SLIT2: variants seen among roughly 807,000 people sequenced by gnomAD.
The protein encoded by SLIT2 is slit homolog 2 protein.
A neutral mutation model predicts 185.7 loss-of-function variants in SLIT2; 41 were observed. The observed-to-expected ratio is 0.22, with a 90% CI of 0.17 to 0.29. SLIT2 has a LOEUF of 0.29. Ranked by LOEUF, SLIT2 falls within the 10% of genes least tolerant of loss-of-function variation. The probability of loss-of-function intolerance (pLI) is 1.00; values close to 1 mark genes in which losing one functional copy is unlikely to be tolerated. For missense variants in SLIT2, 1,571 were observed against 1,909.0 expected (o/e 0.82, Z 3.30); for synonymous variants, 693 against 680.2 (o/e 1.02, Z -0.29).
intron 4 of SLIT2, among the ~76,000 whole-genome samples, chr4:20,381,483 T>C (rs1724508321): frequency 6.6e-6 from 1 of 152,212 alleles, no homozygotes; most frequent in African/African-American, 2.4e-5. Flanking sequence ...TTCGTTTTCA[T>C]GTTCAGTTTG....
Position 20,596,477 on chromosome 4 carries a change from T to C in SLIT2, c.3383T>C (p.Phe1128Ser). ...CCTCGTACCAGCCCCTGTGATAATT[T>C]TGATTGTCAGAATGGAGCTCAGTGT... ...VLPRTSPCDN[F>S]DCQNGAQCIV... The change falls in exon 32 of 37, where the codon TTT becomes TCT. Residue 1128 changes from phenylalanine (F) to serine (S), a missense_variant. By Grantham distance (155) the Phe-to-Ser change is radical. Around this residue, in one of 3 missense-constraint regions of SLIT2, gnomAD observed 1,202 missense variants for 1,416.4 expected, o/e 0.85. Transcript: ENST00000504154. The C allele has an allele frequency of 3.7e-6, 6 of 1,614,116 alleles. No individual in the cohort carries two copies. The highest frequency in any genetic ancestry group is 5.1e-6 in the Non-Finnish European group (6 of 1,179,966).
At chr4:20,437,339 A>G (rs923508272) in intron 4 of SLIT2, among the ~76,000 whole-genome samples, 9 of 152,176 alleles carry the variant, frequency 5.9e-5, no homozygotes, top group African/African-American at 2.2e-4. Flanking sequence ...GTCAGGTCAG[A>G]TGCAGTGGCT....
chr4:20,485,952 T>C (rs1717194898), intron 6 of SLIT2, among the ~76,000 whole-genome samples: 1 of 152,140 alleles, frequency 6.6e-6, no homozygotes. Context: ...AGAATGTAAA[T>C]AGTCAAACAT....
Position 20,519,432 on chromosome 4 carries a change from G to C in SLIT2, c.1109G>C (p.Gly370Ala). The change falls in exon 12 of 37, where the codon GGA becomes GCA. Residue 370 changes from glycine to alanine, a missense_variant. By Grantham distance (60) the Gly-to-Ala change is moderately conservative (BLOSUM62 0). Transcript: ENST00000504154. ...ITELPKSLFE[G>A]LFSLQLLLLN... ...GAACTCCCCAAAAGTTTATTTGAAG[G>C]ACTGTTTTCCTTACAGCTCCTGTAA... 1 of 1,586,202 alleles carries C rather than the reference G, an allele frequency of 6.3e-7. No individual in the cohort carries two copies. Among genetic ancestry groups the C allele is most frequent in the Non-Finnish European group, 8.7e-7 (1 of 1,155,538 alleles).
intron 18 of SLIT2, 45 bp downstream of exon 18, chr4:20,533,760 C>T: frequency 6.4e-7 from 1 of 1,565,610 alleles, no homozygotes; most frequent in Non-Finnish European, 8.7e-7. Context: ...CAAAGGATTG[C>T]AGCTCATTGT....
chr4:20,517,320 G>C (rs553100631), intron 11 of SLIT2, among the ~76,000 whole-genome samples: 1 of 152,264 alleles, frequency 6.6e-6, no homozygotes, highest in Admixed American at 6.5e-5. Flanking sequence ...ATCTGGCAAA[G>C]TTACAGGCAC....
At chr4:20,543,579 A>C (rs1723002813) in intron 21 of SLIT2, among the ~76,000 whole-genome samples, 1 of 152,234 alleles carries the variant, frequency 6.6e-6, no homozygotes. Context: ...GTGCAGATGC[A>C]CACACATATT....
intron 9 of SLIT2, among the ~76,000 whole-genome samples, chr4:20,498,454 C>T (rs1030669416): frequency 1.3e-5 from 2 of 152,164 alleles, no homozygotes; most frequent in Non-Finnish European, 2.9e-5. Flanking sequence ...ACTATCAAAT[C>T]TTAAGAATTA....
At chr4:20,563,155 G>A (rs1042441342) in intron 26 of SLIT2, among the ~76,000 whole-genome samples, 1 of 151,576 alleles carries the variant, frequency 6.6e-6, no homozygotes, top group African/African-American at 2.4e-5. Flanking sequence ...TTTTCTCTTT[G>A]AATTATTAAG....
intron 12 of SLIT2, among the ~76,000 whole-genome samples, chr4:20,519,902 T>A (rs569478227): frequency 1.3e-5 from 2 of 151,676 alleles, no homozygotes; most frequent in Non-Finnish European, 2.9e-5. Flanking sequence ...GTGGTGGTGG[T>A]GGGCCCCTGT....
chr4:20,540,375 G>T (rs912928369), intron 19 of SLIT2, among the ~76,000 whole-genome samples: 6 of 151,932 alleles, frequency 3.9e-5, no homozygotes, highest in Non-Finnish European at 5.9e-5. Context: ...ACTAGAGGGG[G>T]TCTACTATGA....
At chr4:20,500,736 A>G (rs1307060673) in intron 9 of SLIT2, among the ~76,000 whole-genome samples, 1 of 152,158 alleles carries the variant, frequency 6.6e-6, no homozygotes, top group African/African-American at 2.4e-5. Flanking sequence ...GTAGTGTAGA[A>G]AATAGTTTTG....
At chr4:20,357,748 T>G (rs1722441682) in intron 4 of SLIT2, among the ~76,000 whole-genome samples, 1 of 152,124 alleles carries the variant, frequency 6.6e-6, no homozygotes, top group Non-Finnish European at 1.5e-5. Flanking sequence ...TAGACTTTGG[T>G]CTCCTAACAG....
chr4:20,460,926 A>G (rs1329842627), intron 4 of SLIT2, among the ~76,000 whole-genome samples: 3 of 152,374 alleles, frequency 2.0e-5, no homozygotes, highest in Non-Finnish European at 4.4e-5. Flanking sequence ...ATAATTCTGC[A>G]ATAATTTTAT....
At chr4:20,351,035 A>C (rs1721826025) in intron 4 of SLIT2, among the ~76,000 whole-genome samples, 1 of 150,606 alleles carries the variant, frequency 6.6e-6, no homozygotes, top group South Asian at 2.1e-4. Flanking sequence ...GGTTTGATAT[A>C]GTCTGTTTCT....
intron 4 of SLIT2, among the ~76,000 whole-genome samples, chr4:20,431,138 T>C (rs1246195165): frequency 6.6e-6 from 1 of 152,218 alleles, no homozygotes; most frequent in Non-Finnish European, 1.5e-5. Context: ...TGTTAATGAA[T>C]GGGTTTTCCT....
At chr4:20,324,739 A>G (rs975597927) in intron 4 of SLIT2, among the ~76,000 whole-genome samples, 2 of 152,180 alleles carry the variant, frequency 1.3e-5, no homozygotes, top group Admixed American at 6.5e-5. Context: ...GTTGTAAATG[A>G]TAAACATATG....
intron 5 of SLIT2, among the ~76,000 whole-genome samples, chr4:20,474,301 A>G (rs1715872384): frequency 6.6e-6 from 1 of 152,062 alleles, no homozygotes; most frequent in Non-Finnish European, 1.5e-5. Flanking sequence ...TGTCCCCATC[A>G]GTACTATGGG....
At chr4:20,521,754 A>G (rs758861111) in intron 12 of SLIT2, among the ~76,000 whole-genome samples, 19 of 152,158 alleles carry the variant, frequency 1.2e-4, no homozygotes, top group Non-Finnish European at 2.5e-4. Context: ...CAGCCAATTG[A>G]GTCACCGTGA....
Sources: allele counts gnomAD v4.1 joint callset (sites outside exome capture counted in the v4.1 genomes callset), GRCh38; gene constraint gnomAD v4.1.1; regional missense constraint gnomAD v4.1.1; transcripts MANE v1.5; gene names NCBI Gene and HGNC (gene_info 2026-07-23, HGNC 2026-07-21).